Variants in FRAS1 observed in about 807,000 individuals in gnomAD.
FRAS1 encodes the protein extracellular matrix organizing protein FRAS1.
Under a neutral mutation model 435.2 loss-of-function variants are expected in FRAS1, and 290 were observed. The ratio of observed to expected loss-of-function variants is 0.67; its 90% CI spans 0.61 to 0.73. The LOEUF is 0.73. FRAS1 is among the 30% of genes least tolerant of loss of function. The pLI is 0.00. For synonymous variants in FRAS1, 1,800 were observed against 1,851.0 expected, an observed-to-expected ratio of 0.97 and a Z score of 0.71; for missense variants, 4,860 against 5,001.5, an observed-to-expected ratio of 0.97 and a Z score of 0.85.
intron 41 of FRAS1, among the ~76,000 whole-genome samples, chr4:78,443,067 A>G (rs1385315589): frequency 2.0e-5 from 3 of 152,306 alleles, no homozygotes; most frequent in East Asian, 1.9e-4. Flanking sequence ...AGAAACTAGC[A>G]GCTGGGCACA....
intron 63 of FRAS1, 22 bp downstream of exon 63, chr4:78,509,028 T>A: frequency 6.2e-7 from 1 of 1,613,128 alleles, no homozygotes. Flanking sequence ...GGTCTGGGCC[T>A]GGTTCTCCCT....
At chr4:78,347,792 T>G (rs1053648284) in intron 20 of FRAS1, among the ~76,000 whole-genome samples, 2,765 of 149,556 alleles carry the variant, frequency 0.018, 44 homozygotes, top group Non-Finnish European at 0.03. Flanking sequence ...TGTGTGTTTT[T>G]TTTTTTTTTT....
chr4:78,488,451 C>G (rs2080515658), intron 58 of FRAS1, among the ~76,000 whole-genome samples: 1 of 152,160 alleles, frequency 6.6e-6, no homozygotes, highest in Non-Finnish European at 1.5e-5. Context: ...CCATTTAGCA[C>G]CAGATTTGCA....
chr4:78,344,578 C>T (rs566210995), intron 20 of FRAS1, among the ~76,000 whole-genome samples: 40 of 142,354 alleles, frequency 2.8e-4, no homozygotes, highest in African/African-American at 1.1e-3. Context: ...AATCGGGGCT[C>T]AAGAATGATT....
chr4:78,089,061 A>C (rs1489603892), intron 2 of FRAS1, among the ~76,000 whole-genome samples: 2 of 152,182 alleles, frequency 1.3e-5, no homozygotes, highest in African/African-American at 4.8e-5. Flanking sequence ...TGGATTAAGA[A>C]AATGTGGCAC....
chr4:78,273,319 T>C (rs2110165535), intron 9 of FRAS1, among the ~76,000 whole-genome samples: 2 of 152,338 alleles, frequency 1.3e-5, no homozygotes, highest in Middle Eastern at 6.8e-3. Context: ...TTCTCCTGCA[T>C]GATTGCCCTG....
In FRAS1 at chr4:78,541,006, G is replaced by A. The variant is rs766880913; in HGVS notation, c.11921G>A (p.Arg3974Gln). 1.5e-5 allele frequency: 24 copies of A among 1,564,746 alleles called. No individual in the cohort carries two copies. Among genetic ancestry groups the A allele is most frequent in the Middle Eastern group, 1.7e-4 (1 of 5,868 alleles). Residue 3974 changes from arginine to glutamine, a missense_variant, in exon 74 of 74, where the codon CGG becomes CAG. Coordinates refer to ENST00000512123, the MANE Select transcript of FRAS1 (RefSeq NM_025074.7). The part of the protein sequence containing the change: ...KNVNRHYCTV[R>Q]NVNILSEPEA... The stretch of plus-strand genomic sequence containing the variant: ...GTGAATAGACACTACTGCACTGTGC[G>A]GAACGTCAACATCCTGAGTGAGCCT...
chr4:78,527,317 T>TATTC (rs56229743), intron 70 of FRAS1, among the ~76,000 whole-genome samples: 64,942 of 150,532 alleles, frequency 0.43, 14,407 homozygotes, highest in East Asian at 0.69. Flanking sequence ...TTGTGCTGTA[T>TATTC]ATTCATTCAT....
chr4:78,363,304 G>A (rs1220181514), intron 20 of FRAS1, among the ~76,000 whole-genome samples: 2 of 152,176 alleles, frequency 1.3e-5, no homozygotes, highest in African/African-American at 2.4e-5. Flanking sequence ...CAATCACTGT[G>A]CTGGGCCTGG....
chr4:78,395,885 C>T (rs1487554889), intron 29 of FRAS1, among the ~76,000 whole-genome samples: 1 of 151,912 alleles, frequency 6.6e-6, no homozygotes, highest in Non-Finnish European at 1.5e-5. Flanking sequence ...TTACCTATTG[C>T]CATTTCGTTG....
At chr4:78,377,157 AC>A (rs1209020064) in intron 26 of FRAS1, among the ~76,000 whole-genome samples, 2 of 152,250 alleles carry the variant, frequency 1.3e-5, no homozygotes, top group African/African-American at 4.8e-5. Flanking sequence ...GAGGGACATT[AC>A]TCTGAGTGTT....
At chr4:78,084,520 A>G (rs1741051228) in intron 2 of FRAS1, among the ~76,000 whole-genome samples, 1 of 152,056 alleles carries the variant, frequency 6.6e-6, no homozygotes. Context: ...GGATTTTAAC[A>G]TATTTGAGGT....
At chr4:78,497,018 TTAAC>T in intron 60 of FRAS1, 57 bp downstream of exon 60, 1 of 1,344,828 alleles carries the variant, frequency 7.4e-7, no homozygotes. Flanking sequence ...AAACTGATGT[TTAAC>T]TAATTATTAG....
chr4:78,539,402 G>A lies in FRAS1; in HGVS notation c.11407G>A (p.Val3803Met). 2.5e-6 allele frequency: 4 copies of A among 1,611,714 alleles called. No homozygotes were observed. The highest frequency in any genetic ancestry group is 3.4e-6 in the Non-Finnish European group (4 of 1,179,118). The change falls in exon 73 of 74, where the codon GTG (valine) becomes ATG (methionine). Residue 3803 changes from valine to methionine, a missense_variant. By Grantham distance (21) the Val-to-Met change is conservative. Coordinates refer to ENST00000512123, the MANE Select transcript of FRAS1 (RefSeq NM_025074.7). ...DFHVVSNMPG[V>M]DGFTLKVDAL... ...CCATGTGGTCAGTAACATGCCAGGT[G>A]TGGATGGATTTACTCTAAAAGTAGA...
intron 63 of FRAS1, among the ~76,000 whole-genome samples, chr4:78,509,716 C>T (rs1720971662): frequency 6.6e-6 from 1 of 152,198 alleles, no homozygotes; most frequent in South Asian, 2.1e-4. Flanking sequence ...ACAAACAGCC[C>T]ACCACAGTGA....
In FRAS1 at chr4:78,413,053, A is replaced by C. The variant is rs1241745371; in HGVS notation, c.4393A>C (p.Lys1465Gln). The change falls in exon 32 of 74, where the codon AAA becomes CAA. Residue 1465 changes from lysine to glutamine, a missense_variant. Physicochemically the swap from Lys to Gln is moderately conservative, Grantham distance 53. Transcript: ENST00000512123. ...CTTACCACAGACACCTGAAGCACCT[A>C]AAGTGTCTCTGGAAGCATCTCTCCA... ...AILPQTPEAP[K>Q]VSLEASLHMT... 1.9e-6 allele frequency: 3 copies of C among 1,610,930 alleles called. No individual in the cohort carries two copies. In the African/African-American group the frequency reaches 4.0e-5, roughly 22 times the overall value.
intron 40 of FRAS1, among the ~76,000 whole-genome samples, chr4:78,439,727 C>T (rs1300644265): frequency 1.3e-5 from 2 of 152,106 alleles, no homozygotes; most frequent in African/African-American, 4.8e-5. Context: ...AACTCTTGGG[C>T]TCAAGCAATC....
At chr4:78,117,968 C>G (rs908049176) in intron 2 of FRAS1, among the ~76,000 whole-genome samples, 3 of 152,162 alleles carry the variant, frequency 2.0e-5, no homozygotes, top group African/African-American at 7.2e-5. Context: ...GTTTTATCTA[C>G]CTTTGGTCTT....
intron 30 of FRAS1, among the ~76,000 whole-genome samples, chr4:78,402,538 AC>A (rs1307592491): frequency 6.6e-6 from 1 of 152,212 alleles, no homozygotes; most frequent in African/African-American, 2.4e-5. Context: ...ATTTAAAAAA[AC>A]ATTTAGACTA....
Sources: gnomAD v4.1 joint callset for allele counts (sites outside exome capture counted in the v4.1 genomes callset) on GRCh38, gnomAD v4.1.1 for gene constraint, MANE v1.5 for transcripts, NCBI Gene and HGNC (gene_info 2026-07-23, HGNC 2026-07-21) for gene names.